MVB12B: variants seen among roughly 807,000 people sequenced by gnomAD.
MVB12B encodes multivesicular body subunit 12B, also known as ESCRT-I complex subunit MVB12B.
Under a neutral mutation model 41.6 loss-of-function variants are expected in MVB12B, and 16 were observed. That is an observed-to-expected ratio of 0.38 (90% CI 0.26 to 0.58). MVB12B has a LOEUF of 0.58. MVB12B is among the 20% of genes least tolerant of loss of function. MVB12B has a pLI of 0.62. For missense variants in MVB12B, 274 were observed against 380.2 expected (o/e 0.72, Z 2.32); for synonymous variants, 133 against 139.7 (o/e 0.95, Z 0.34).
chr9:126,365,684 TC>T (rs2118907352), intron 2 of MVB12B, among the ~76,000 whole-genome samples: 1 of 152,272 alleles, frequency 6.6e-6, no homozygotes, highest in African/African-American at 2.4e-5. Flanking sequence ...AATATACCTT[TC>T]TATTGTTTCT....
At chr9:126,466,647 G>A (rs969993572) in intron 7 of MVB12B, among the ~76,000 whole-genome samples, 4 of 152,102 alleles carry the variant, frequency 2.6e-5, no homozygotes, top group African/African-American at 9.7e-5. Context: ...GAGGAAAAAA[G>A]TGTTGTATTG....
At chr9:126,496,323 TTCCACCCA>T (rs1347660104) in intron 9 of MVB12B, among the ~76,000 whole-genome samples, 2 of 39,022 alleles carry the variant, frequency 5.1e-5, no homozygotes, top group African/African-American at 1.1e-4. Context: ...CCACCCACCC[TTCCACCCA>T]TCCACATATT....
Position 126,381,168 on chromosome 9 carries a change from A to C in MVB12B, c.309A>C (p.Glu103Asp). Residue 103 changes from glutamate to aspartate, a missense_variant, in exon 3 of 10, where the codon GAA becomes GAC. Transcript: ENST00000361171. Reference protein sequence around the residue: ...YLCFTRSFSKENSHLGNVLVD... With the variant: ...YLCFTRSFSKDNSHLGNVLVD... ...GTTTCACAAGATCATTTTCCAAAGAAAATGTAAGTCTAGTCGTAGTTTCCA... is the reference window on the plus strand; with the variant it reads ...GTTTCACAAGATCATTTTCCAAAGACAATGTAAGTCTAGTCGTAGTTTCCA... 1 of 1,607,550 alleles carries C rather than the reference A, an allele frequency of 6.2e-7. No individual in the cohort carries two copies. The highest frequency in any genetic ancestry group is 8.5e-7 in the Non-Finnish European group (1 of 1,174,238).
intron 2 of MVB12B, among the ~76,000 whole-genome samples, chr9:126,371,444 G>A (rs1830336747): frequency 6.6e-6 from 1 of 152,234 alleles, no homozygotes; most frequent in Middle Eastern, 3.2e-3. Flanking sequence ...CCATCAGGAG[G>A]TGCAGAGCCA....
Position 126,455,887 on chromosome 9 carries a change from C to CTTTTT in MVB12B, c.758-25465_758-25461dup, listed in dbSNP as rs3983803. 4.0e-3 allele frequency among the ~76,000 whole-genome samples: 412 copies of CTTTTT among 102,976 alleles called. 1 individual carries two copies. The highest frequency in any genetic ancestry group is 5.9e-3 in the African/African-American group (148 of 25,152). The allele number at this position is 102,976 out of a possible 152,430, so 67.6% of individuals were successfully genotyped here. On this transcript the variant is annotated intron_variant, in intron 7 of 9. Coordinates refer to ENST00000361171, the MANE Select transcript of MVB12B (RefSeq NM_033446.3). The stretch of plus-strand genomic sequence containing the variant: ...GATAGGTCGTTTTCTTTCTTTCTTT[C>CTTTTT]TTTTTTTTTTTTTTTTTTTTTGAGA...
At chr9:126,397,350 A>G in intron 6 of MVB12B, 1 of 985,452 alleles carries the variant, frequency 1.0e-6, no homozygotes, top group Non-Finnish European at 1.2e-6. Flanking sequence ...CTGAAGCAAG[A>G]CAGCCGAGAA....
chr9:126,478,826 G>A lies in MVB12B; in HGVS notation c.758-2543G>A, dbSNP rs551877607. Among the ~76,000 whole-genome samples the A allele has an allele frequency of 3.9e-5, 6 of 152,158 alleles. No homozygotes were observed. The highest frequency in any genetic ancestry group is 2.0e-4 in the Admixed American group (3 of 15,288). The stretch of plus-strand genomic sequence containing the variant: ...CTTTGCACATCACCTTACCACCTTC[G>A]TAACACACAGGATCCCTAGACATAC... On this transcript the variant is annotated intron_variant, in intron 7 of 9. Transcript: ENST00000361171. The surrounding 1 kb of genome is among the most constrained non-coding windows in gnomAD (Gnocchi z 4.2).
At chr9:126,417,197 T>C (rs940698559) in intron 6 of MVB12B, among the ~76,000 whole-genome samples, 5 of 152,374 alleles carry the variant, frequency 3.3e-5, no homozygotes, top group Middle Eastern at 3.4e-3. Context: ...CTCTGACTGC[T>C]GTCCCTTACC....
At chr9:126,416,227 G>A (rs1831820236) in intron 6 of MVB12B, among the ~76,000 whole-genome samples, 1 of 152,200 alleles carries the variant, frequency 6.6e-6, no homozygotes, top group Non-Finnish European at 1.5e-5. Flanking sequence ...GAGTAGGATT[G>A]AAGCTCGCGT....
At chr9:126,479,771 C>G (rs956036493) in intron 7 of MVB12B, among the ~76,000 whole-genome samples, 6 of 152,236 alleles carry the variant, frequency 3.9e-5, no homozygotes, top group African/African-American at 1.4e-4. Flanking sequence ...GCCACCTGTG[C>G]TGTGTCTTTT....
intron 6 of MVB12B, among the ~76,000 whole-genome samples, chr9:126,398,610 T>C (rs1404581788): frequency 1.3e-5 from 2 of 152,238 alleles, no homozygotes; most frequent in African/African-American, 4.8e-5. Context: ...CCACGTCCAG[T>C]GCGGTCTTTG....
intron 2 of MVB12B, among the ~76,000 whole-genome samples, chr9:126,343,865 C>T (rs979358641): frequency 2.6e-5 from 4 of 152,074 alleles, no homozygotes; most frequent in South Asian, 2.1e-4. Flanking sequence ...TGCAGTGAGC[C>T]GAGACTGCGC....
intron 4 of MVB12B, among the ~76,000 whole-genome samples, chr9:126,390,463 G>T (rs1057382840): frequency 4.6e-5 from 7 of 152,216 alleles, no homozygotes; most frequent in African/African-American, 1.7e-4. Context: ...TGAAACTCAG[G>T]TTTAAAAGCA....
intron 8 of MVB12B, among the ~76,000 whole-genome samples, chr9:126,482,073 C>T (rs1249349542): frequency 2.0e-5 from 3 of 152,226 alleles, no homozygotes; most frequent in Admixed American, 6.5e-5. Context: ...GTGAGCTGGC[C>T]GGGACCAAAG....
intron 7 of MVB12B, among the ~76,000 whole-genome samples, chr9:126,477,643 TGA>T (rs1833446610): frequency 6.6e-6 from 1 of 152,168 alleles, no homozygotes; most frequent in Non-Finnish European, 1.5e-5. Flanking sequence ...TTCACTCTCA[TGA>T]GAATAGCATG....
intron 1 of MVB12B, among the ~76,000 whole-genome samples, chr9:126,329,790 CTG>C (rs1473267322): frequency 6.6e-6 from 1 of 152,172 alleles, no homozygotes; most frequent in Non-Finnish European, 1.5e-5. Context: ...GCTGAGCACA[CTG>C]TGTTGCAGAG....
intron 7 of MVB12B, among the ~76,000 whole-genome samples, chr9:126,463,127 G>A (rs1003317930): frequency 1.2e-4 from 19 of 152,228 alleles, no homozygotes; most frequent in Non-Finnish European, 2.2e-4. Flanking sequence ...TGGGTGTGGT[G>A]TGTGCTGCTT....
chr9:126,500,868 C>T (rs1307379857), intron 9 of MVB12B, among the ~76,000 whole-genome samples: 4 of 152,246 alleles, frequency 2.6e-5, no homozygotes, highest in African/African-American at 4.8e-5. Flanking sequence ...CCTCCTTGCT[C>T]TCTCCGGTGA....
Position 126,468,342 on chromosome 9 carries a change from C to T in MVB12B, c.758-13027C>T, listed in dbSNP as rs547375758. Among the ~76,000 whole-genome samples the T allele has an allele frequency of 5.9e-5, 9 of 152,328 alleles. No individual in the cohort carries two copies. The highest frequency in any genetic ancestry group is 1.7e-4 in the African/African-American group (7 of 41,578). On this transcript the variant is annotated intron_variant, in intron 7 of 9. Transcript: ENST00000361171. The surrounding 1 kb of genome is among the most constrained non-coding windows in gnomAD (Gnocchi z 4.3). ...CACATTCTCGGTCATAATGTTCTAA[C>T]CAGTGTTGACCAGTTGCCTCCCCTT...
Sources: gnomAD v4.1 joint callset for allele counts (sites outside exome capture counted in the v4.1 genomes callset) on GRCh38, gnomAD v4.1.1 for gene constraint, Gnocchi (gnomAD v3.1) non-coding constraint, MANE v1.5 for transcripts, NCBI Gene and HGNC (gene_info 2026-07-23, HGNC 2026-07-21) for gene names.